AMZ1: variants seen among roughly 807,000 people sequenced by gnomAD.
The protein encoded by AMZ1 is archaemetzincin-1.
In AMZ1, 39 loss-of-function variants were observed where a neutral mutation model predicts 29.9. That is an observed-to-expected ratio of 1.30 (90% CI 1.01 to 1.70). The LOEUF is 1.70. Among genes scored for constraint, AMZ1 ranks in the 40% most tolerant of loss-of-function variants. The pLI, the probability that AMZ1 is intolerant of heterozygous loss-of-function variation, is 0.00. For synonymous variants in AMZ1, 458 were observed against 304.0 expected, an observed-to-expected ratio of 1.51 and a Z score of -5.27; for missense variants, 1,041 against 680.6, an observed-to-expected ratio of 1.53 and a Z score of -5.89.
At chr7:2,751,724 T>C (rs1791048927) in intron 4 of AMZ1, among the ~76,000 whole-genome samples, 1 of 152,234 alleles carries the variant, frequency 6.6e-6, no homozygotes. Flanking sequence ...TAAGAGAATG[T>C]TCCAAACAAC....
intron 4 of AMZ1, among the ~76,000 whole-genome samples, chr7:2,751,778 G>A (rs975956798): frequency 2.0e-5 from 3 of 152,034 alleles, no homozygotes; most frequent in African/African-American, 7.3e-5. Context: ...TGGACAAATT[G>A]CTTTAAAAAA....
At chr7:2,746,241 C>T (rs1302998889) in intron 4 of AMZ1, among the ~76,000 whole-genome samples, 1 of 152,148 alleles carries the variant, frequency 6.6e-6, no homozygotes, top group African/African-American at 2.4e-5. Flanking sequence ...CACACCACAC[C>T]TATTCCAAAA....
intron 4 of AMZ1, among the ~76,000 whole-genome samples, chr7:2,759,017 G>A (rs1192199129): frequency 6.6e-6 from 1 of 151,926 alleles, no homozygotes; most frequent in East Asian, 1.9e-4. Context: ...GTGGGCGCCT[G>A]TAATCCCAGC....
rs1428267900 is a variant in AMZ1 at position 2,716,115 on chromosome 7, T to A, written c.*3237T>A. ...AGGTCATGACAGATGTTATCTGTAT[T>A]GCTGTGTGTGCGATGAGTCTGGGGA... On this transcript the variant is annotated 3_prime_UTR_variant, in exon 7 of 7. Transcript: ENST00000683327. The A allele has an allele frequency of 6.6e-6, 1 of 152,226 alleles. No homozygotes were observed. The highest frequency in any genetic ancestry group is 2.1e-4 in the South Asian group (1 of 4,828). The allele number at this position is 152,226 out of a possible 1,614,324, so 9.4% of individuals were successfully genotyped here.
downstream of AMZ1, among the ~76,000 whole-genome samples, chr7:2,722,785 C>G (rs1004589139): frequency 6.6e-6 from 1 of 152,102 alleles, no homozygotes; most frequent in Non-Finnish European, 1.5e-5. Flanking sequence ...CCAGCCTGGG[C>G]AACACAGTGA....
intron 1 of AMZ1, among the ~76,000 whole-genome samples, chr7:2,691,100 T>C (rs187709246): frequency 0.037 from 4,578 of 122,900 alleles, 361 homozygotes; most frequent in African/African-American, 0.13. Flanking sequence ...GCTGAGATTG[T>C]GCCACTGCAC....
At chr7:2,698,317 C>G (rs1167099114) in intron 1 of AMZ1, among the ~76,000 whole-genome samples, 1 of 152,174 alleles carries the variant, frequency 6.6e-6, no homozygotes, top group Non-Finnish European at 1.5e-5. Flanking sequence ...GCAGTCGGAT[C>G]ACTTGAGGTC....
chr7:2,744,112 A>G (rs146600606), intron 4 of AMZ1, among the ~76,000 whole-genome samples: 3,637 of 152,290 alleles, frequency 0.024, 104 homozygotes, highest in Middle Eastern at 0.075. Context: ...AGACAAACAA[A>G]AAGACAGCAG....
intron 1 of AMZ1, among the ~76,000 whole-genome samples, chr7:2,696,454 TCAC>T (rs1787742646): frequency 6.7e-6 from 1 of 150,248 alleles, no homozygotes; most frequent in African/African-American, 2.4e-5. Flanking sequence ...AGACGGGGTT[TCAC>T]CATGTTAGCC....
chr7:2,712,814 T>C lies in AMZ1; in HGVS notation c.1433T>C (p.Leu478Pro), dbSNP rs1350198116. The change falls in exon 7 of 7, where the codon CTG becomes CCG. Residue 478 changes from leucine to proline, a missense_variant. Coordinates refer to ENST00000683327, the MANE Select transcript of AMZ1 (RefSeq NM_001384743.1). Reference sequence around the variant, plus strand: ...AAGTTCTCCTCCCTGAGGAGGAAGCTGAGTGCCCGAAAACTCGCCAGAGCA... The same window carrying C: ...AAGTTCTCCTCCCTGAGGAGGAAGCCGAGTGCCCGAAAACTCGCCAGAGCA... ...GDKFSSLRRKLSARKLARAES... is the reference protein window; with the variant it reads ...GDKFSSLRRKPSARKLARAES... 2 of 1,538,798 alleles carry C rather than the reference T, an allele frequency of 1.3e-6. No homozygotes were observed. Among genetic ancestry groups the C allele is most frequent in the East Asian group, 2.3e-5 (1 of 44,106 alleles).
intron 1 of AMZ1, among the ~76,000 whole-genome samples, chr7:2,693,586 T>C (rs2115062908): frequency 6.6e-6 from 1 of 151,646 alleles, no homozygotes; most frequent in East Asian, 2.0e-4. Context: ...CACGGAGTCT[T>C]GCTCTGTGGC....
intron 4 of AMZ1, among the ~76,000 whole-genome samples, chr7:2,734,538 C>T (rs1040390376): frequency 5.9e-5 from 9 of 152,166 alleles, no homozygotes; most frequent in Non-Finnish European, 1.0e-4. Context: ...GAATGGACTA[C>T]GTGATGGCGC....
intron 3 of AMZ1, among the ~76,000 whole-genome samples, chr7:2,704,649 T>C (rs954573871): frequency 7.4e-6 from 1 of 135,374 alleles, no homozygotes; most frequent in African/African-American, 3.0e-5. Flanking sequence ...CAGGCTGGAG[T>C]GCAGTGGCAT....
At position 2,700,759 on chromosome 7, in the gene AMZ1, C is replaced by T. The variant is rs112599565; in HGVS notation, c.304+4C>T. ...CACATCTACCTACAGCCGATAGGTA[C>T]GGGACGCCTGCAGCCATCGGCACGC... is the stretch of plus-strand genomic sequence containing the variant. On this transcript the variant is annotated splice_donor_region_variant and intron_variant, in intron 2 of 6. Transcript: ENST00000683327. 3,063 of 1,609,490 alleles carry T rather than the reference C, an allele frequency of 1.9e-3. 5 individuals carry two copies. Among genetic ancestry groups the T allele is most frequent in the Non-Finnish European group, 2.3e-3 (2,760 of 1,177,872 alleles).
rs1160140736 is a variant in AMZ1 at position 2,712,886 on chromosome 7, G to C, written c.*8G>C. 1.3e-5 allele frequency: 20 copies of C among 1,511,982 alleles called. No homozygotes were observed. Among genetic ancestry groups the C allele is most frequent in the Non-Finnish European group, 1.6e-5 (18 of 1,130,342 alleles). The allele number at this position is 1,511,982 out of a possible 1,614,324, so 93.7% of individuals were successfully genotyped here. On this transcript the variant is annotated 3_prime_UTR_variant, in exon 7 of 7. Coordinates refer to ENST00000683327, the MANE Select transcript of AMZ1 (RefSeq NM_001384743.1). ...GATGGGGAAGAGAGTTAGTACAGCA[G>C]GGGCTGCCCTACGTCTCCTTCCCTA...
chr7:2,696,218 C>T (rs1787712559), intron 1 of AMZ1, among the ~76,000 whole-genome samples: 1 of 150,874 alleles, frequency 6.6e-6, no homozygotes, highest in Non-Finnish European at 1.5e-5. Context: ...CAATGAAGCC[C>T]TGCCTGGAAC....
intron 5 of AMZ1, 69 bp from the exon 6 acceptor site, chr7:2,709,571 G>C (rs1477403241): frequency 6.4e-7 from 1 of 1,552,676 alleles, no homozygotes; most frequent in Non-Finnish European, 8.7e-7. Flanking sequence ...TCCTGCTGGG[G>C]CTGCCTGGGG....
upstream of AMZ1, among the ~76,000 whole-genome samples, chr7:2,683,523 C>T (rs1045903626): frequency 4.6e-5 from 7 of 152,084 alleles, no homozygotes; most frequent in Non-Finnish European, 1.0e-4. Flanking sequence ...CTGCAAGCTC[C>T]GCCTCCCAGG....
intron 1 of AMZ1, among the ~76,000 whole-genome samples, chr7:2,691,347 A>G (rs1210910524): frequency 2.7e-5 from 4 of 147,640 alleles, no homozygotes; most frequent in Non-Finnish European, 5.9e-5. Context: ...GAGCTGTGTA[A>G]CCCTGGGCAA....
Sources: gnomAD v4.1 joint callset for allele counts (sites outside exome capture counted in the v4.1 genomes callset) on GRCh38, gnomAD v4.1.1 for gene constraint, MANE v1.5 for transcripts, NCBI Gene and HGNC (gene_info 2026-07-23, HGNC 2026-07-21) for gene names.